The following SLC30A8 variants were observed in gnomAD, a reference collection of about 807,000 sequenced individuals.
The protein encoded by SLC30A8 is proton-coupled zinc antiporter SLC30A8.
In SLC30A8, 27 loss-of-function variants were observed where a neutral mutation model predicts 36.9. That is an observed-to-expected ratio of 0.73 (90% confidence interval 0.54 to 1.01). The LOEUF is 1.01. SLC30A8 is among the 50% of genes least tolerant of loss of function. The pLI is 0.00. For synonymous variants in SLC30A8, 164 were observed against 172.4 expected (o/e 0.95, Z 0.38); for missense variants, 439 against 452.0 (o/e 0.97, Z 0.26).
chr8:117,147,115 C>T lies in SLC30A8; in HGVS notation c.233C>T (p.Ser78Leu). 8.1e-6 allele frequency: 13 copies of T among 1,614,086 alleles called. No individual in the cohort carries two copies. Among genetic ancestry groups the T allele is most frequent in the Non-Finnish European group, 1.1e-5 (13 of 1,180,000 alleles). The change falls in exon 2 of 8, where the codon TCA becomes TTA. Residue 78 changes from serine to leucine, a missense_variant. By Grantham distance (145) the Ser-to-Leu change is moderately radical (BLOSUM62 -2). Coordinates refer to ENST00000456015, the MANE Select transcript of SLC30A8 (RefSeq NM_173851.3). ...AYAKWKLCSA[S>L]AICFIFMIAE... ...GCCAAGTGGAAACTCTGTTCTGCTT[C>T]AGCAATATGCTTCATTTTCATGATT... is the stretch of plus-strand genomic sequence containing the variant.
At chr8:117,069,420 A>C (rs1057123121) in intron 2 of SLC30A8, among the ~76,000 whole-genome samples, 27 of 152,182 alleles carry the variant, frequency 1.8e-4, no homozygotes, top group African/African-American at 5.8e-4. Flanking sequence ...TGTTCAGCTG[A>C]AACTCAAATG....
At position 117,167,968 on chromosome 8, in the gene SLC30A8, A is replaced by G. The variant is rs553537499; in HGVS notation, c.830-3066A>G. On this transcript the variant is annotated intron_variant, in intron 6 of 7. Coordinates refer to ENST00000456015, the MANE Select transcript of SLC30A8 (RefSeq NM_173851.3). ...TCATGGCAGAAGGCAAAGGAGGAGC[A>G]AAGTCACTCCTTACATAGCAGCAGG... Among the ~76,000 whole-genome samples, 192 of 152,268 alleles carry G rather than the reference A, an allele frequency of 1.3e-3. 1 individual carries two copies. Among genetic ancestry groups the G allele is most frequent in the Non-Finnish European group, 2.0e-3 (138 of 68,010 alleles).
In SLC30A8 at chr8:117,163,466, T is replaced by G; in HGVS notation, c.765T>G (p.Phe255Leu). The G allele has an allele frequency of 6.2e-7, 1 of 1,613,702 alleles. No homozygotes were observed. Residue 255 changes from phenylalanine to leucine, a missense_variant, in exon 6 of 8, where the codon TTT becomes TTG. Physicochemically the swap from Phe to Leu is conservative, Grantham distance 22. Coordinates refer to ENST00000456015, the MANE Select transcript of SLC30A8 (RefSeq NM_173851.3). ...CCGACCCAATCTGCACATTCATCTTTTCCATCCTGGTCTTGGCCAGCACCA... is the reference window on the plus strand; with the variant it reads ...CCGACCCAATCTGCACATTCATCTTGTCCATCCTGGTCTTGGCCAGCACCA... ...KIADPICTFIFSILVLASTIT... is the reference protein window; with the variant it reads ...KIADPICTFILSILVLASTIT...
intron 1 of SLC30A8, among the ~76,000 whole-genome samples, chr8:117,024,974 A>G (rs1242687871): frequency 6.6e-6 from 1 of 152,110 alleles, no homozygotes; most frequent in Non-Finnish European, 1.5e-5. Flanking sequence ...CCCATCCCTT[A>G]CATGCCCCAG....
intron 1 of SLC30A8, among the ~76,000 whole-genome samples, chr8:116,996,350 A>T (rs1815814858): frequency 6.6e-6 from 1 of 152,120 alleles, no homozygotes; most frequent in Admixed American, 6.6e-5. Context: ...GTCTGTCTTT[A>T]TTTTATTTTA....
intron 2 of SLC30A8, among the ~76,000 whole-genome samples, chr8:117,091,263 A>G (rs573678948): frequency 3.9e-5 from 6 of 152,190 alleles, no homozygotes; most frequent in Admixed American, 1.3e-4. Flanking sequence ...GCTGTAATGT[A>G]TCTTGAACGG....
At chr8:117,125,308 T>G (rs1441001175) in intron 2 of SLC30A8, among the ~76,000 whole-genome samples, 3 of 152,034 alleles carry the variant, frequency 2.0e-5, no homozygotes, top group Non-Finnish European at 4.4e-5. Flanking sequence ...GTTTTTATCA[T>G]TCTTTCTCCA....
intron 1 of SLC30A8, among the ~76,000 whole-genome samples, chr8:117,019,335 C>A (rs764795283): frequency 1.3e-5 from 2 of 152,198 alleles, no homozygotes; most frequent in East Asian, 3.8e-4. Context: ...GTTTACTCCT[C>A]GTGATCATTC....
At chr8:117,127,289 A>T (rs952287859) in intron 2 of SLC30A8, among the ~76,000 whole-genome samples, 1 of 152,034 alleles carries the variant, frequency 6.6e-6, no homozygotes, top group African/African-American at 2.4e-5. Flanking sequence ...CACATTACTT[A>T]ATGTTTTAAC....
intron 2 of SLC30A8, among the ~76,000 whole-genome samples, chr8:117,150,852 G>A (rs1013390160): frequency 1.3e-5 from 2 of 152,046 alleles, no homozygotes; most frequent in Admixed American, 6.6e-5. Context: ...TGATCCGCCC[G>A]CCTCTGCCTC....
intron 1 of SLC30A8, among the ~76,000 whole-genome samples, chr8:116,973,955 A>G (rs925982900): frequency 2.6e-5 from 4 of 152,262 alleles, no homozygotes; most frequent in African/African-American, 9.6e-5. Context: ...TCCCTATTTA[A>G]TAAATGGTGC....
intron 1 of SLC30A8, among the ~76,000 whole-genome samples, chr8:117,033,316 A>G (rs548574746): frequency 2.0e-5 from 3 of 152,400 alleles, no homozygotes; most frequent in Non-Finnish European, 4.4e-5. Context: ...TATTAGCCAT[A>G]ACAAGGAATT....
intron 2 of SLC30A8, among the ~76,000 whole-genome samples, chr8:117,092,004 G>A (rs564423025): frequency 5.9e-5 from 9 of 152,144 alleles, no homozygotes; most frequent in Non-Finnish European, 1.0e-4. Flanking sequence ...ATACTTCCCT[G>A]TATTATGCTG....
intron 3 of SLC30A8, 95 bp downstream of exon 3, chr8:117,153,185 A>C: frequency 1.6e-6 from 2 of 1,287,580 alleles, no homozygotes; most frequent in Non-Finnish European, 2.1e-6. Flanking sequence ...CTTGTTGGAA[A>C]GTCCTTAGAG....
intron 2 of SLC30A8, 102 bp from the exon 3 acceptor site, chr8:117,152,838 TAAAG>T: frequency 1.1e-6 from 1 of 912,004 alleles, no homozygotes; most frequent in Admixed American, 2.6e-5. Flanking sequence ...CTTTTTCCTC[TAAAG>T]TTTTGTGAGT....
At chr8:117,142,017 G>T (rs1175827291) in intron 1 of SLC30A8, among the ~76,000 whole-genome samples, 2 of 152,106 alleles carry the variant, frequency 1.3e-5, no homozygotes, top group East Asian at 3.9e-4. Context: ...CTAGTGAGTG[G>T]TAAGGGTGGG....
chr8:116,972,144 C>T lies in SLC30A8; in HGVS notation c.-266+21025C>T, dbSNP rs1055628145. Among the ~76,000 whole-genome samples, 8 of 152,326 alleles carry T rather than the reference C, an allele frequency of 5.3e-5. 1 individual carries two copies. In the South Asian group the frequency reaches 1.7e-3, roughly 32 times the overall value. On this transcript the variant is annotated intron_variant, in intron 1 of 10. Transcript: ENST00000427715. ...GTTCAAAAATTTTTATTTTCTTCTT[C>T]TTCCCAAGAAACATGTCTAATTATA... is the stretch of plus-strand genomic sequence containing the variant.
intron 1 of SLC30A8, among the ~76,000 whole-genome samples, chr8:117,034,042 G>A (rs1817135876): frequency 6.6e-6 from 1 of 152,160 alleles, no homozygotes; most frequent in South Asian, 2.1e-4. Context: ...AGGTCACATA[G>A]CTAGTTGTCC....
intron 2 of SLC30A8, among the ~76,000 whole-genome samples, chr8:117,062,228 G>T (rs1018332663): frequency 6.6e-6 from 1 of 152,186 alleles, no homozygotes; most frequent in Non-Finnish European, 1.5e-5. Context: ...GTCAAGAATG[G>T]CATGTGTGTT....
Sources: gnomAD v4.1 joint callset for allele counts (sites outside exome capture counted in the v4.1 genomes callset) on GRCh38, gnomAD v4.1.1 for gene constraint, MANE v1.5 for transcripts, NCBI Gene and HGNC (gene_info 2026-07-23, HGNC 2026-07-21) for gene names.